Variants in CRTAC1 observed in about 807,000 individuals in gnomAD.
The protein encoded by CRTAC1 is cartilage acidic protein 1.
Under a neutral mutation model 67.8 loss-of-function variants are expected in CRTAC1, and 37 were observed. That is an observed-to-expected ratio of 0.55 (90% CI 0.42 to 0.72). CRTAC1 has a LOEUF of 0.72. CRTAC1 is among the 30% of genes least tolerant of loss of function. CRTAC1 has a pLI of 0.00. For synonymous variants in CRTAC1, 348 were observed against 371.0 expected (o/e 0.94, Z 0.71); for missense variants, 780 against 931.6 (o/e 0.84, Z 2.12).
chr10:97,956,030 G>A (rs2051434371), intron 2 of CRTAC1, among the ~76,000 whole-genome samples: 2 of 152,156 alleles, frequency 1.3e-5, no homozygotes, highest in South Asian at 4.1e-4. Flanking sequence ...CACCATAAAG[G>A]CCACGTAAGA....
intron 2 of CRTAC1, among the ~76,000 whole-genome samples, chr10:97,976,039 A>T (rs2051795545): frequency 6.6e-6 from 1 of 151,716 alleles, no homozygotes. Flanking sequence ...CCAGAAAGAC[A>T]CTCCAGGGAC....
chr10:97,994,118 A>G (rs1310432139), intron 2 of CRTAC1, among the ~76,000 whole-genome samples: 1 of 152,124 alleles, frequency 6.6e-6, no homozygotes, highest in East Asian at 1.9e-4. Flanking sequence ...AGACCTCCCA[A>G]ATTGCTAGGA....
Position 97,895,964 on chromosome 10 carries a change from T to C in CRTAC1, c.1238A>G (p.Asp413Gly). Residue 413 changes from aspartate to glycine, a missense_variant, in exon 10 of 15, where the codon GAC becomes GGC. Coordinates refer to ENST00000370597, the MANE Select transcript of CRTAC1 (RefSeq NM_018058.7). The surrounding 1 kb of genome is among the most constrained non-coding windows in gnomAD (Gnocchi z 4.2). ...GATGAGGTCCAGCATCCCGTCTCCG[T>C]CGAAGTCGGTCACCACACCCCCTAC... The part of the protein sequence containing the change: ...RGTGGVVTDF[D>G]GDGMLDLILS... The C allele has an allele frequency of 6.2e-7, 1 of 1,614,082 alleles. No individual in the cohort carries two copies. Among genetic ancestry groups the C allele is most frequent in the South Asian group, 1.1e-5 (1 of 91,076 alleles).
intron 2 of CRTAC1, among the ~76,000 whole-genome samples, chr10:97,974,362 CCG>C (rs1047830196): frequency 1.5e-4 from 23 of 152,278 alleles, no homozygotes; most frequent in African/African-American, 5.5e-4. Context: ...CATCTCAACA[CCG>C]AAGTCTGAGG....
intron 2 of CRTAC1, among the ~76,000 whole-genome samples, chr10:97,936,880 A>G (rs2136615196): frequency 6.6e-6 from 1 of 152,310 alleles, no homozygotes; most frequent in South Asian, 2.1e-4. Flanking sequence ...AACACGGCCT[A>G]GGAAGTGTCA....
chr10:98,021,709 G>A (rs1843124418), intron 1 of CRTAC1, among the ~76,000 whole-genome samples: 2 of 152,194 alleles, frequency 1.3e-5, no homozygotes, highest in South Asian at 4.1e-4. Flanking sequence ...TTTGTGAGAT[G>A]CATGAATGCA....
At chr10:97,991,183 T>C (rs1298520798) in intron 2 of CRTAC1, among the ~76,000 whole-genome samples, 1 of 150,036 alleles carries the variant, frequency 6.7e-6, no homozygotes, top group Non-Finnish European at 1.5e-5. Context: ...GGTGGAGGAT[T>C]GCTTGAGCCC....
At chr10:97,877,856 C>G (rs1419903929) in intron 14 of CRTAC1, among the ~76,000 whole-genome samples, 3 of 152,238 alleles carry the variant, frequency 2.0e-5, no homozygotes, top group Non-Finnish European at 2.9e-5. Flanking sequence ...TCTGCTGTCA[C>G]CCTGAACCCC....
intron 2 of CRTAC1, among the ~76,000 whole-genome samples, chr10:97,963,508 T>C (rs2051561319): frequency 6.6e-6 from 1 of 152,192 alleles, no homozygotes; most frequent in Non-Finnish European, 1.5e-5. Context: ...AGAGCCAACC[T>C]TCTCAAACGG....
intron 2 of CRTAC1, among the ~76,000 whole-genome samples, chr10:98,002,417 G>C (rs1590281096): frequency 6.6e-6 from 1 of 151,996 alleles, no homozygotes; most frequent in South Asian, 2.1e-4. Flanking sequence ...TTGACCTGGA[G>C]AGGCCTCTGT....
chr10:98,013,034 G>C (rs895735740), intron 1 of CRTAC1, among the ~76,000 whole-genome samples: 89 of 152,174 alleles, frequency 5.8e-4, no homozygotes, highest in Non-Finnish European at 1.3e-4. Context: ...GGGTGGGGAT[G>C]GGGGAGGAAA....
intron 2 of CRTAC1, among the ~76,000 whole-genome samples, chr10:97,937,066 C>T (rs944669709): frequency 3.9e-5 from 6 of 152,196 alleles, no homozygotes; most frequent in South Asian, 2.1e-4. Flanking sequence ...AACATGAACA[C>T]GTCTAAAGTT....
chr10:97,878,447 G>C (rs1178989766), intron 14 of CRTAC1: 3 of 357,498 alleles, frequency 8.4e-6, no homozygotes, highest in Non-Finnish European at 1.3e-5. Context: ...AAAATGGCAG[G>C]GGCTTTTTTT....
chr10:97,963,561 T>C (rs1307980257), intron 2 of CRTAC1, among the ~76,000 whole-genome samples: 4 of 152,222 alleles, frequency 2.6e-5, no homozygotes, highest in African/African-American at 9.6e-5. Flanking sequence ...CAGCACATTG[T>C]AGGTGTACAA....
intron 14 of CRTAC1, chr10:97,868,962 G>A (rs1228179662): frequency 1.3e-5 from 2 of 152,198 alleles, no homozygotes; most frequent in Non-Finnish European, 2.9e-5. Flanking sequence ...TCTATGGCAT[G>A]GATTCTTATT....
At chr10:97,986,009 C>T (rs1478056675) in intron 2 of CRTAC1, among the ~76,000 whole-genome samples, 1 of 152,182 alleles carries the variant, frequency 6.6e-6, no homozygotes, top group Non-Finnish European at 1.5e-5. Flanking sequence ...ACAATAGCTG[C>T]AACAGCCTCT....
intron 3 of CRTAC1, among the ~76,000 whole-genome samples, chr10:97,928,139 C>A (rs1315708365): frequency 6.6e-6 from 1 of 152,078 alleles, no homozygotes; most frequent in African/African-American, 2.4e-5. Context: ...TTACGAGGGG[C>A]AAGTCTAGTG....
chr10:97,990,550 C>A (rs1224840809), intron 2 of CRTAC1, among the ~76,000 whole-genome samples: 2 of 152,138 alleles, frequency 1.3e-5, no homozygotes, highest in Admixed American at 1.3e-4. Flanking sequence ...CAAGCATGGA[C>A]AGTGGGGATG....
In CRTAC1 at chr10:97,895,849, G is replaced by T. The variant is rs2297938; in HGVS notation, c.1317+36C>A. 5.7e-6 allele frequency: 9 copies of T among 1,566,344 alleles called. No individual in the cohort carries two copies. The highest frequency in any genetic ancestry group is 7.9e-6 in the Non-Finnish European group (9 of 1,138,128). On this transcript the variant is annotated intron_variant, in intron 10 of 14. Transcript: ENST00000370597. This position sits in a 1 kb window ranked among gnomAD's most constrained non-coding sequence, Gnocchi z 4.2. The stretch of plus-strand genomic sequence containing the variant: ...AACTCAAGGTACCCGAGAGCACACA[G>T]GGCTGGGATCTGTGGCTCCTGAGGT...
Sources: gnomAD v4.1 joint callset for allele counts (sites outside exome capture counted in the v4.1 genomes callset) on GRCh38, gnomAD v4.1.1 for gene constraint, Gnocchi (gnomAD v3.1) non-coding constraint, MANE v1.5 for transcripts, NCBI Gene and HGNC (gene_info 2026-07-23, HGNC 2026-07-21) for gene names.